The following AKR1C3 variants were observed in gnomAD, a reference collection of about 807,000 sequenced individuals.
The protein encoded by AKR1C3 is aldo-keto reductase family 1 member C3.
In AKR1C3, 48 loss-of-function variants were observed where a neutral mutation model predicts 43.6. The ratio of observed to expected loss-of-function variants is 1.10; its 90% CI spans 0.87 to 1.40. The LOEUF (loss-of-function observed/expected upper bound fraction) is 1.40, where lower values mean the gene tolerates loss of function less well. Among genes scored for constraint, AKR1C3 ranks in the 40% most tolerant of loss-of-function variants. The probability of loss-of-function intolerance (pLI) is 0.00; values close to 1 mark genes in which losing one functional copy is unlikely to be tolerated. For missense variants in AKR1C3, 482 were observed against 391.2 expected (o/e 1.23, Z -1.96); for synonymous variants, 162 against 139.6 (o/e 1.16, Z -1.13).
At chr10:5,052,462 C>T (rs782754546) in intron 1 of AKR1C3, among the ~76,000 whole-genome samples, 17 of 147,774 alleles carry the variant, frequency 1.2e-4, no homozygotes, top group Non-Finnish European at 2.2e-4. Context: ...TTCCATTGTA[C>T]AGAGAGCTGA....
At chr10:5,069,290 A>G (rs902820626) in intron 1 of AKR1C3, among the ~76,000 whole-genome samples, 40 of 152,212 alleles carry the variant, frequency 2.6e-4, no homozygotes, top group Admixed American at 9.8e-4. Flanking sequence ...GCAGACAAAC[A>G]TATTGCCATG....
At chr10:5,104,156 G>A (rs1306656567) in intron 7 of AKR1C3, among the ~76,000 whole-genome samples, 1 of 152,040 alleles carries the variant, frequency 6.6e-6, no homozygotes, top group African/African-American at 2.4e-5. Context: ...TCCTGTGGTT[G>A]ATGAGTGGCA....
intron 7 of AKR1C3, 126 bp downstream of exon 7, chr10:5,102,776 G>T: frequency 3.3e-6 from 5 of 1,498,112 alleles, no homozygotes; most frequent in Non-Finnish European, 4.5e-6. Flanking sequence ...TGAATGCTTT[G>T]CGTGCATCCT....
intron 1 of AKR1C3, among the ~76,000 whole-genome samples, chr10:5,061,632 A>T (rs1554780260): frequency 6.6e-6 from 1 of 152,176 alleles, no homozygotes; most frequent in South Asian, 2.1e-4. Context: ...TCCTTCAAGA[A>T]ACCCCAGAGC....
At position 5,098,866 on chromosome 10, in the gene AKR1C3, G is replaced by T; in HGVS notation, c.434G>T (p.Cys145Phe). 5 of 1,613,338 alleles carry T rather than the reference G, an allele frequency of 3.1e-6. No individual in the cohort carries two copies. Among genetic ancestry groups the T allele is most frequent in the Non-Finnish European group, 4.2e-6 (5 of 1,179,656 alleles). Reference protein sequence around the residue: ...GKVIFDIVDLCTTWEAMEKCK... With the variant: ...GKVIFDIVDLFTTWEAMEKCK... ...GTAATATTTGACATAGTGGATCTCT[G>T]TACCACCTGGGAGGTGAGTGCTTGG... The change falls in exon 4 of 9, where the codon TGT (cysteine) becomes TTT (phenylalanine). Residue 145 changes from cysteine to phenylalanine, a missense_variant. Cys to Phe is a radical substitution (Grantham distance 205). Coordinates refer to ENST00000380554, the MANE Select transcript of AKR1C3 (RefSeq NM_003739.6).
intron 4 of AKR1C3, 121 bp downstream of exon 4, chr10:5,099,000 G>A (rs1839283495): frequency 1.1e-6 from 1 of 926,484 alleles, no homozygotes; most frequent in South Asian, 1.8e-5. Context: ...AACTTTACAA[G>A]AGTAGCTTTG....
intron 3 of AKR1C3, among the ~76,000 whole-genome samples, chr10:5,098,546 T>G (rs183132583): frequency 6.6e-6 from 1 of 152,336 alleles, no homozygotes; most frequent in Non-Finnish European, 1.5e-5. Context: ...GTGACATAAG[T>G]CAACTGTGAA....
intron 1 of AKR1C3, chr10:5,077,979 TA>T: frequency 1.5e-6 from 1 of 685,342 alleles, no homozygotes; most frequent in South Asian, 1.6e-5. Flanking sequence ...ATATCACAGG[TA>T]AGAATCCTAC....
At chr10:5,063,538 G>A (rs1403944434) in intron 1 of AKR1C3, among the ~76,000 whole-genome samples, 1 of 151,682 alleles carries the variant, frequency 6.6e-6, no homozygotes, top group Non-Finnish European at 1.5e-5. Context: ...GTTCATGCCT[G>A]TTATCCCAGC....
intron 1 of AKR1C3, among the ~76,000 whole-genome samples, chr10:5,072,990 G>A (rs782762130): frequency 2.0e-5 from 3 of 152,118 alleles, no homozygotes; most frequent in Non-Finnish European, 4.4e-5. Context: ...TCGAGACAGA[G>A]TCTTGCTCTT....
chr10:5,057,775 C>A (rs1838293042), intron 1 of AKR1C3, among the ~76,000 whole-genome samples: 1 of 152,202 alleles, frequency 6.6e-6, no homozygotes, highest in Non-Finnish European at 1.5e-5. Context: ...CTTTCTTCGG[C>A]TGTCATGCTA....
Position 5,105,680 on chromosome 10 carries a change from AAGTTTCCTTTGTAAATGGGTG to A in AKR1C3, c.929+5_929+25del. ...CTCCACTATTTTAACAGTGATAGGT[AAGTTTCCTTTGTAAATGGGTG>A]ATCTAATTTATTTCTGGAGAAGGAA... On this transcript the variant is annotated splice_donor_5th_base_variant and intron_variant, in intron 8 of 8. Transcript: ENST00000380554. 6.2e-7 allele frequency: 1 copy of A among 1,609,476 alleles called. No homozygotes were observed. Among genetic ancestry groups the A allele is most frequent in the Non-Finnish European group, 8.5e-7 (1 of 1,176,242 alleles).
intron 5 of AKR1C3, among the ~76,000 whole-genome samples, chr10:5,100,895 TTTA>T (rs574758121): frequency 1.3e-3 from 196 of 152,302 alleles, no homozygotes; most frequent in African/African-American, 4.5e-3. Flanking sequence ...ATGGCAAATG[TTTA>T]TGTGGGTATA....
chr10:5,073,377 C>G (rs1308252300), intron 1 of AKR1C3, among the ~76,000 whole-genome samples: 1 of 152,174 alleles, frequency 6.6e-6, no homozygotes, highest in Non-Finnish European at 1.5e-5. Flanking sequence ...GGAGAACAGA[C>G]TTGACAGTTG....
At chr10:5,071,792 AG>A (rs1329863745) in intron 1 of AKR1C3, among the ~76,000 whole-genome samples, 4 of 152,230 alleles carry the variant, frequency 2.6e-5, no homozygotes, top group African/African-American at 7.2e-5. Context: ...GCAAACCCAG[AG>A]GGACTAATCA....
At chr10:5,078,317 C>T (rs1198257000) in intron 1 of AKR1C3, among the ~76,000 whole-genome samples, 4 of 152,130 alleles carry the variant, frequency 2.6e-5, no homozygotes, top group African/African-American at 7.2e-5. Flanking sequence ...GTGGCATGTG[C>T]CTGTAGTCCC....
At chr10:5,077,822 A>T (rs543481130) in intron 1 of AKR1C3, 1 of 554,716 alleles carries the variant, frequency 1.8e-6, no homozygotes, top group Non-Finnish European at 2.9e-6. Context: ...CCGATTTTCA[A>T]TGTAAAAATA....
chr10:5,090,513 A>C (rs1839067273), upstream of AKR1C3, among the ~76,000 whole-genome samples: 1 of 152,150 alleles, frequency 6.6e-6, no homozygotes, highest in Admixed American at 6.6e-5. Flanking sequence ...TAAGGAAGTG[A>C]TAATTGGGGT....
rs180995018 is a variant in AKR1C3, at chr10:5,097,253, G to A, written c.253-181G>A. ...TAGATGTACAAACTATACATCCAACGTATAATAAAGTTTATAAGGATAGGT... is the reference window on the plus strand; with the variant it reads ...TAGATGTACAAACTATACATCCAACATATAATAAAGTTTATAAGGATAGGT... On this transcript the variant is annotated intron_variant, in intron 2 of 8. Transcript: ENST00000380554. Among the ~76,000 whole-genome samples, 142 of 152,102 alleles carry A rather than the reference G, an allele frequency of 9.3e-4. 2 individuals are homozygous for A. In the Middle Eastern group the frequency reaches 0.024, roughly 26 times the overall value.
Sources: gnomAD v4.1 joint callset for allele counts (sites outside exome capture counted in the v4.1 genomes callset) on GRCh38, gnomAD v4.1.1 for gene constraint, MANE v1.5 for transcripts, NCBI Gene and HGNC (gene_info 2026-07-23, HGNC 2026-07-21) for gene names.